The following JMJD1C variants were observed in gnomAD, a reference collection of about 807,000 sequenced individuals.
JMJD1C encodes jumonji domain containing 1C, also known as jumonji domain-containing protein 1C.
In JMJD1C, 31 loss-of-function variants were observed where a neutral mutation model predicts 245.3. That is an observed-to-expected ratio of 0.13 (90% CI 0.09 to 0.17). The LOEUF (loss-of-function observed/expected upper bound fraction) is 0.17, where lower values mean the gene tolerates loss of function less well. Ranked by LOEUF, JMJD1C falls within the 10% of genes least tolerant of loss-of-function variation. JMJD1C has a pLI of 1.00. For synonymous variants in JMJD1C, 1,057 were observed against 1,017.4 expected, an observed-to-expected ratio of 1.04 and a Z score of -0.74; for missense variants, 2,691 against 3,000.2, an observed-to-expected ratio of 0.90 and a Z score of 2.41.
Position 63,167,266 on chromosome 10 carries a change from T to C in JMJD1C, c.*779A>G, listed in dbSNP as rs1305395036. Reference sequence around the variant, plus strand: ...TTTAATGGAAAATGTAAAACCCCTTTCAACTTTAATGTACAAAGCCATATG... The same window carrying C: ...TTTAATGGAAAATGTAAAACCCCTTCCAACTTTAATGTACAAAGCCATATG... On this transcript the variant is annotated 3_prime_UTR_variant, in exon 26 of 26. Transcript: ENST00000399262. 6.6e-6 allele frequency: 1 copy of C among 152,512 alleles called. No homozygotes were observed. Among genetic ancestry groups the C allele is most frequent in the African/African-American group, 2.4e-5 (1 of 41,402 alleles). The allele number at this position is 152,512 out of a possible 1,614,324, so 9.4% of individuals were successfully genotyped here. A position where few individuals can be genotyped will look rare whatever the true frequency, so the allele number is the denominator to read the frequency against.
intron 1 of JMJD1C, among the ~76,000 whole-genome samples, chr10:63,510,343 C>G (rs1954839364): frequency 6.6e-6 from 1 of 152,162 alleles, no homozygotes; most frequent in Admixed American, 6.5e-5. Context: ...TGCATTCAAT[C>G]CAATAAATTC....
rs1363936925 is a variant in JMJD1C at position 63,465,507 on chromosome 10, A to C, written c.156T>G (p.Asn52Lys). The C allele has an allele frequency of 6.2e-7, 1 of 1,604,276 alleles. No homozygotes were observed. Among genetic ancestry groups the C allele is most frequent in the Non-Finnish European group, 8.5e-7 (1 of 1,177,712 alleles). The part of the protein sequence containing the change: ...IRAVSHRDSR[N>K]PDLAVYVEFD... ...CTGACTCTCTTACCGCCAGGTCCGG[A>C]TTGCGGCTGTCCCTGTGTGACACGG... Residue 52 changes from asparagine (N) to lysine (K), a missense_variant, in exon 1 of 26, where the codon AAT (asparagine) becomes AAG (lysine). Transcript: ENST00000399262.
chr10:63,361,489 A>T (rs1589580658), intron 2 of JMJD1C, among the ~76,000 whole-genome samples: 1 of 152,334 alleles, frequency 6.6e-6, no homozygotes, highest in Middle Eastern at 3.4e-3. Context: ...CTTGGTATAC[A>T]TCAAATACTA....
At chr10:63,259,201 C>T (rs543819763) in intron 3 of JMJD1C, among the ~76,000 whole-genome samples, 89 of 152,244 alleles carry the variant, frequency 5.8e-4, no homozygotes, top group African/African-American at 2.1e-3. Flanking sequence ...ATAAACAAAC[C>T]TCTATCAACA....
rs553692536 is a variant in JMJD1C at position 63,387,546 on chromosome 10, G to C, written c.169-7064C>G. 6.0e-5 allele frequency among the ~76,000 whole-genome samples: 6 copies of C among 100,506 alleles called. No individual in the cohort carries two copies. In the South Asian group the frequency reaches 1.7e-3, roughly 28 times the overall value. 65.9% of individuals were successfully genotyped at this position (100,506 alleles called of 152,430 possible). A position where few individuals can be genotyped will look rare whatever the true frequency, so the allele number is the denominator to read the frequency against. On this transcript the variant is annotated intron_variant, in intron 1 of 25. Coordinates refer to ENST00000399262, the MANE Select transcript of JMJD1C (RefSeq NM_032776.3). ...ACAAAATACATTCAAACCTTCAACAGACTAGATCAAATAGAAGAAAAAAAT... is the reference window on the plus strand; with the variant it reads ...ACAAAATACATTCAAACCTTCAACACACTAGATCAAATAGAAGAAAAAAAT...
rs1279139690 is a variant in JMJD1C at position 63,440,388 on chromosome 10, A to AGC, written c.168+25105_168+25106dup. Among the ~76,000 whole-genome samples the AGC allele has an allele frequency of 2.0e-3, 303 of 149,808 alleles. 1 individual carries two copies. The highest frequency in any genetic ancestry group is 2.6e-3 in the Non-Finnish European group (177 of 67,390). On this transcript the variant is annotated intron_variant, in intron 1 of 25. Coordinates refer to ENST00000399262, the MANE Select transcript of JMJD1C (RefSeq NM_032776.3). ...TATAGAGAGAGAGAGAGAGAGAGAGAGCGCAAGCGTGCGAGCACACGAAGG... is the reference window on the plus strand; with the variant it reads ...TATAGAGAGAGAGAGAGAGAGAGAGAGCGCGCAAGCGTGCGAGCACACGAAGG...
chr10:63,428,404 T>G (rs1263749715), intron 1 of JMJD1C, among the ~76,000 whole-genome samples: 1 of 152,208 alleles, frequency 6.6e-6, no homozygotes, highest in East Asian at 1.9e-4. Context: ...TACAAAAGAC[T>G]CATTCATTAC....
chr10:63,267,391 A>G (rs918860389), intron 2 of JMJD1C, among the ~76,000 whole-genome samples: 5 of 152,154 alleles, frequency 3.3e-5, no homozygotes, highest in African/African-American at 9.7e-5. Flanking sequence ...AAGGAACATT[A>G]TAAGTTTAAA....
At chr10:63,292,193 A>G (rs1858859945) in intron 2 of JMJD1C, among the ~76,000 whole-genome samples, 1 of 116,646 alleles carries the variant, frequency 8.6e-6, no homozygotes, top group Non-Finnish European at 1.7e-5. Flanking sequence ...TCCTGGTCTC[A>G]AGTGATTCTC....
At chr10:63,418,649 A>C (rs1949934421) in intron 1 of JMJD1C, among the ~76,000 whole-genome samples, 1 of 152,226 alleles carries the variant, frequency 6.6e-6, no homozygotes, top group South Asian at 2.1e-4. Flanking sequence ...ACAGCAGAGA[A>C]ATACTAAAAA....
chr10:63,372,525 T>G lies in JMJD1C; in HGVS notation c.333+7793A>C, dbSNP rs191504533. ...CATGTTTAAAATTGGTAACTCACAG[T>G]TTTACCACAATTGGGTGATTCTGCT... is the stretch of plus-strand genomic sequence containing the variant. On this transcript the variant is annotated intron_variant, in intron 2 of 25. Coordinates refer to ENST00000399262, the MANE Select transcript of JMJD1C (RefSeq NM_032776.3). Among the ~76,000 whole-genome samples the G allele has an allele frequency of 6.6e-5, 10 of 152,334 alleles. No individual in the cohort carries two copies. The East Asian group carries it at 1.9e-3, about 29-fold the overall frequency.
intron 3 of JMJD1C, among the ~76,000 whole-genome samples, chr10:63,233,079 C>G (rs1292474324): frequency 6.6e-6 from 1 of 152,090 alleles, no homozygotes; most frequent in Non-Finnish European, 1.5e-5. Context: ...ACATTCTGAT[C>G]TAGAAAAGTG....
chr10:63,434,460 AG>A (rs1950950956), intron 1 of JMJD1C, among the ~76,000 whole-genome samples: 1 of 152,162 alleles, frequency 6.6e-6, no homozygotes, highest in Admixed American at 6.5e-5. Flanking sequence ...CAAGGAGATA[AG>A]GCTAGAAAGA....
intron 2 of JMJD1C, among the ~76,000 whole-genome samples, chr10:63,351,272 T>C (rs531759631): frequency 6.6e-6 from 1 of 151,912 alleles, no homozygotes; most frequent in African/African-American, 2.4e-5. Flanking sequence ...GGTATTTATA[T>C]TTGGTATTAT....
intron 1 of JMJD1C, among the ~76,000 whole-genome samples, chr10:63,453,902 T>C (rs1952232218): frequency 6.6e-6 from 1 of 152,092 alleles, no homozygotes; most frequent in African/African-American, 2.4e-5. Flanking sequence ...TTTGTATTTT[T>C]AGTAGAGACT....
At chr10:63,222,910 C>T (rs1848775827) in intron 3 of JMJD1C, 2 of 1,500,852 alleles carry the variant, frequency 1.3e-6, no homozygotes. Flanking sequence ...AAAGTGGGCA[C>T]TGCTTAAAAG....
intron 1 of JMJD1C, among the ~76,000 whole-genome samples, chr10:63,394,485 T>C (rs1259220705): frequency 6.6e-6 from 1 of 152,150 alleles, no homozygotes; most frequent in East Asian, 1.9e-4. Context: ...CAAGAAAATA[T>C]AATATTCGTG....
chr10:63,432,630 T>C (rs1045711929), intron 1 of JMJD1C, among the ~76,000 whole-genome samples: 3 of 152,362 alleles, frequency 2.0e-5, no homozygotes, highest in Admixed American at 6.5e-5. Context: ...AACTCTGGAA[T>C]GTCTACTTCT....
intron 3 of JMJD1C, among the ~76,000 whole-genome samples, chr10:63,252,487 A>G (rs773353566): frequency 6.6e-6 from 1 of 152,208 alleles, no homozygotes; most frequent in South Asian, 2.1e-4. Context: ...AGACTCAAAG[A>G]CTGCAGCAGC....
Sources: gnomAD v4.1 joint callset for allele counts (sites outside exome capture counted in the v4.1 genomes callset) on GRCh38, gnomAD v4.1.1 for gene constraint, MANE v1.5 for transcripts, NCBI Gene and HGNC (gene_info 2026-07-23, HGNC 2026-07-21) for gene names.